SCFD2: variants seen among roughly 807,000 people sequenced by gnomAD.
SCFD2 encodes the protein sec1 family domain-containing protein 2.
Under a neutral mutation model 58.9 loss-of-function variants are expected in SCFD2, and 54 were observed. The observed-to-expected ratio is 0.92, with a 90% CI of 0.74 to 1.15. The LOEUF is 1.15. Ranked by LOEUF, SCFD2 falls within the 50% of genes most tolerant of loss-of-function variation. The pLI, the probability that SCFD2 is intolerant of heterozygous loss-of-function variation, is 0.00. For missense variants in SCFD2, 805 were observed against 836.6 expected (o/e 0.96, Z 0.47); for synonymous variants, 321 against 335.9 (o/e 0.96, Z 0.49).
intron 2 of SCFD2, among the ~76,000 whole-genome samples, chr4:53,319,053 A>C (rs1242148532): frequency 6.6e-6 from 1 of 152,246 alleles, no homozygotes; most frequent in Non-Finnish European, 1.5e-5. Context: ...TATATTATGC[A>C]AATCATCAAA....
chr4:53,279,127 C>T (rs1377434231), intron 3 of SCFD2, among the ~76,000 whole-genome samples: 3 of 152,034 alleles, frequency 2.0e-5, no homozygotes, highest in Non-Finnish European at 4.4e-5. Context: ...CAAACAAAAC[C>T]CTTGACAGAC....
At chr4:53,212,574 ACG>A (rs1491402388) in intron 4 of SCFD2, among the ~76,000 whole-genome samples, 1 of 75,786 alleles carries the variant, frequency 1.3e-5, no homozygotes, top group Non-Finnish European at 2.5e-5. Flanking sequence ...GAAAGTGAGC[ACG>A]TGTGTGTGTG....
chr4:53,352,502 T>C, intron 2 of SCFD2, 96 bp downstream of exon 2: 1 of 1,035,484 alleles, frequency 9.7e-7, no homozygotes, highest in Non-Finnish European at 1.4e-6. Context: ...ACCAGACCAA[T>C]TCTTCATTGC....
chr4:53,228,741 A>G (rs1174800217), intron 4 of SCFD2, among the ~76,000 whole-genome samples: 1 of 152,152 alleles, frequency 6.6e-6, no homozygotes, highest in African/African-American at 2.4e-5. Flanking sequence ...CACCACTCCT[A>G]TTCAACATAG....
At chr4:53,229,185 G>C (rs1729337738) in intron 4 of SCFD2, among the ~76,000 whole-genome samples, 1 of 152,222 alleles carries the variant, frequency 6.6e-6, no homozygotes, top group East Asian at 1.9e-4. Flanking sequence ...CGTGAAAATG[G>C]CCATACTGCC....
intron 5 of SCFD2, chr4:52,948,586 G>A (rs1246873778): frequency 1.1e-5 from 5 of 454,346 alleles, no homozygotes; most frequent in Admixed American, 2.4e-5. Flanking sequence ...TCCTAGTGGG[G>A]ACATGCCAAG....
At chr4:53,360,606 G>A (rs183176815) in intron 1 of SCFD2, among the ~76,000 whole-genome samples, 32 of 152,296 alleles carry the variant, frequency 2.1e-4, no homozygotes, top group African/African-American at 7.5e-4. Flanking sequence ...CTAAGCAGGT[G>A]ACCTCACCCT....
At chr4:53,178,225 G>C (rs1727410885) in intron 4 of SCFD2, among the ~76,000 whole-genome samples, 1 of 152,182 alleles carries the variant, frequency 6.6e-6, no homozygotes, top group Non-Finnish European at 1.5e-5. Flanking sequence ...TGACCCCCGA[G>C]TAGCCTAACT....
intron 5 of SCFD2, among the ~76,000 whole-genome samples, chr4:53,086,393 C>T (rs543072647): frequency 6.6e-6 from 1 of 151,972 alleles, no homozygotes; most frequent in South Asian, 2.1e-4. Flanking sequence ...CAAATGCTGA[C>T]AAAGATATGG....
intron 7 of SCFD2, among the ~76,000 whole-genome samples, chr4:52,903,125 A>G (rs933940860): frequency 2.5e-4 from 38 of 152,222 alleles, no homozygotes; most frequent in Non-Finnish European, 4.4e-4. Flanking sequence ...ACACCCCTTT[A>G]TTTCTGTTCT....
intron 4 of SCFD2, among the ~76,000 whole-genome samples, chr4:53,222,300 T>C (rs966540727): frequency 1.3e-5 from 2 of 152,228 alleles, no homozygotes; most frequent in Non-Finnish European, 1.5e-5. Context: ...GTCACCATCA[T>C]AGTATTTAAC....
intron 5 of SCFD2, among the ~76,000 whole-genome samples, chr4:53,008,260 T>C (rs1722022895): frequency 6.6e-6 from 1 of 152,184 alleles, no homozygotes; most frequent in South Asian, 2.1e-4. Context: ...CTGATGCCTC[T>C]GCATTAGCCA....
intron 2 of SCFD2, among the ~76,000 whole-genome samples, chr4:53,347,521 AG>A (rs941579964): frequency 5.3e-5 from 8 of 152,128 alleles, no homozygotes; most frequent in African/African-American, 1.9e-4. Flanking sequence ...AGTGCTATGG[AG>A]GAAAAAAAAA....
chr4:52,955,527 G>A (rs1373192957), intron 5 of SCFD2, among the ~76,000 whole-genome samples: 2 of 152,168 alleles, frequency 1.3e-5, no homozygotes, highest in East Asian at 3.9e-4. Context: ...CAGTTTTCAT[G>A]CGTGGGAACT....
At chr4:53,229,306 T>C (rs1211041057) in intron 4 of SCFD2, among the ~76,000 whole-genome samples, 1 of 152,184 alleles carries the variant, frequency 6.6e-6, no homozygotes, top group Non-Finnish European at 1.5e-5. Flanking sequence ...AGAGCCCACA[T>C]TGCCAAGTCA....
intron 5 of SCFD2, among the ~76,000 whole-genome samples, chr4:52,973,840 C>T (rs1721176788): frequency 6.6e-6 from 1 of 152,178 alleles, no homozygotes; most frequent in Admixed American, 6.5e-5. Flanking sequence ...GGGCTTCATC[C>T]ATGGGATGCA....
intron 4 of SCFD2, among the ~76,000 whole-genome samples, chr4:53,245,949 A>C (rs544541495): frequency 6.6e-6 from 1 of 152,152 alleles, no homozygotes; most frequent in South Asian, 2.1e-4. Context: ...TATCTAGAAA[A>C]CTCTATAGTC....
At chr4:52,978,270 G>A (rs565918393) in intron 5 of SCFD2, among the ~76,000 whole-genome samples, 12 of 152,216 alleles carry the variant, frequency 7.9e-5, no homozygotes, top group African/African-American at 2.9e-4. Context: ...CCAGAGCAAG[G>A]GACTGTGCTC....
intron 4 of SCFD2, among the ~76,000 whole-genome samples, chr4:53,211,694 C>A (rs545366935): frequency 6.6e-6 from 1 of 151,998 alleles, no homozygotes; most frequent in Non-Finnish European, 1.5e-5. Context: ...AAAATCCCCA[C>A]GCATTTGGTC....
Sources: gnomAD v4.1 joint callset for allele counts (sites outside exome capture counted in the v4.1 genomes callset) on GRCh38, gnomAD v4.1.1 for gene constraint, MANE v1.5 for transcripts, NCBI Gene and HGNC (gene_info 2026-07-23, HGNC 2026-07-21) for gene names.